NCKAP5: variants seen among roughly 807,000 people sequenced by gnomAD.
NCKAP5 encodes the protein NCK associated protein 5, also known as nck-associated protein 5.
NCKAP5 carries 92 observed loss-of-function variants against 167.0 expected under a neutral mutation model. The ratio of observed to expected loss-of-function variants is 0.55; its 90% CI spans 0.47 to 0.66. The LOEUF is 0.66. NCKAP5 is among the 30% of genes least tolerant of loss of function. NCKAP5 has a pLI of 0.00. For synonymous variants in NCKAP5, 891 were observed against 877.4 expected (o/e 1.02, Z -0.27); for missense variants, 2,378 against 2,315.0 (o/e 1.03, Z -0.56).
At position 133,380,459 on chromosome 2, in the gene NCKAP5, C is replaced by A. The variant is rs115967183; in HGVS notation, c.70-77349G>T. On this transcript the variant is annotated intron_variant, in intron 3 of 19. Transcript: ENST00000409261. ...CTGGAATATAATTAACCAAAGACCT[C>A]AATCAACCAGTATTTTTCCTCTACA... Among the ~76,000 whole-genome samples the A allele has an allele frequency of 5.5e-3, 835 of 152,098 alleles. 12 individuals are homozygous for A. Among genetic ancestry groups the A allele is most frequent in the African/African-American group, 0.019 (777 of 41,486 alleles).
intron 6 of NCKAP5, among the ~76,000 whole-genome samples, chr2:133,045,835 G>C (rs1438838882): frequency 6.6e-6 from 1 of 152,144 alleles, no homozygotes; most frequent in Non-Finnish European, 1.5e-5. Flanking sequence ...ATGACAAAAT[G>C]CATTTGCGAT....
intron 8 of NCKAP5, among the ~76,000 whole-genome samples, chr2:132,893,604 A>C (rs1692901417): frequency 1.3e-5 from 2 of 152,192 alleles, no homozygotes; most frequent in African/African-American, 4.8e-5. Flanking sequence ...AAAAACTGGA[A>C]AAATTAAATT....
intron 2 of NCKAP5, among the ~76,000 whole-genome samples, chr2:133,534,491 T>A (rs1475376363): frequency 6.6e-6 from 1 of 152,070 alleles, no homozygotes; most frequent in Non-Finnish European, 1.5e-5. Flanking sequence ...TGCTTCTCCA[T>A]CCCCTACCCC....
chr2:133,045,012 A>T (rs2079343124), intron 6 of NCKAP5, among the ~76,000 whole-genome samples: 1 of 151,782 alleles, frequency 6.6e-6, no homozygotes, highest in South Asian at 2.1e-4. Flanking sequence ...CTAAGAAGGC[A>T]CCACTACACC....
chr2:133,225,776 G>GTTT (rs1415189212), intron 4 of NCKAP5, among the ~76,000 whole-genome samples: 82 of 67,664 alleles, frequency 1.2e-3, no homozygotes, highest in Non-Finnish European at 1.8e-3. Context: ...ATCATGCCCT[G>GTTT]TTCTTTTTTT....
At chr2:133,297,980 A>G (rs897479612) in intron 4 of NCKAP5, among the ~76,000 whole-genome samples, 1 of 152,208 alleles carries the variant, frequency 6.6e-6, no homozygotes, top group Non-Finnish European at 1.5e-5. Context: ...TGCTATTCCC[A>G]TGATCCCCTG....
intron 5 of NCKAP5, among the ~76,000 whole-genome samples, chr2:133,205,010 C>T (rs1010884127): frequency 6.6e-6 from 1 of 152,070 alleles, no homozygotes; most frequent in Non-Finnish European, 1.5e-5. Flanking sequence ...CACAGCAAGC[C>T]AGGCATGGTG....
At chr2:132,874,284 ATTTTTAG>A (rs201504965) in intron 9 of NCKAP5, among the ~76,000 whole-genome samples, 211 of 151,892 alleles carry the variant, frequency 1.4e-3, no homozygotes, top group African/African-American at 5.0e-3. Flanking sequence ...AATTTTCTGT[ATTTTTAG>A]TAGAGACGAG....
intron 16 of NCKAP5, among the ~76,000 whole-genome samples, chr2:132,752,486 T>C (rs1262778320): frequency 6.6e-6 from 1 of 152,182 alleles, no homozygotes; most frequent in Non-Finnish European, 1.5e-5. Context: ...AGGATGATGA[T>C]TCAGGCTGGC....
chr2:133,300,359 C>T (rs1342298055), intron 4 of NCKAP5, among the ~76,000 whole-genome samples: 1 of 132,734 alleles, frequency 7.5e-6, no homozygotes, highest in Admixed American at 7.2e-5. Context: ...CCTTGATGAA[C>T]ACTGATGCAA....
intron 3 of NCKAP5, among the ~76,000 whole-genome samples, chr2:133,345,201 G>A (rs1055413943): frequency 6.6e-6 from 1 of 152,092 alleles, no homozygotes; most frequent in Non-Finnish European, 1.5e-5. Context: ...GAGCACCTCT[G>A]CCCAGCCGCC....
intron 3 of NCKAP5, among the ~76,000 whole-genome samples, chr2:133,425,264 A>C (rs1689720306): frequency 6.6e-6 from 1 of 152,250 alleles, no homozygotes; most frequent in Non-Finnish European, 1.5e-5. Flanking sequence ...AATTTCTAAC[A>C]TACAGATTGA....
chr2:132,770,119 A>T (rs375636543), intron 16 of NCKAP5, among the ~76,000 whole-genome samples: 1 of 152,070 alleles, frequency 6.6e-6, no homozygotes, highest in Admixed American at 6.6e-5. Context: ...CTCCAACCCA[A>T]ATTTGCTCAA....
intron 3 of NCKAP5, among the ~76,000 whole-genome samples, chr2:133,476,768 T>C (rs1171308012): frequency 2.6e-5 from 4 of 152,228 alleles, no homozygotes; most frequent in Admixed American, 6.5e-5. Context: ...TTATAGCACA[T>C]TGATTTTTAT....
At chr2:132,739,647 G>C (rs996922600) in intron 16 of NCKAP5, among the ~76,000 whole-genome samples, 10 of 152,126 alleles carry the variant, frequency 6.6e-5, no homozygotes, top group Admixed American at 6.5e-4. Context: ...AAACCAAATT[G>C]TCATTTGTGC....
chr2:133,425,520 G>A (rs562780130), intron 3 of NCKAP5, among the ~76,000 whole-genome samples: 11 of 152,240 alleles, frequency 7.2e-5, no homozygotes, highest in African/African-American at 2.6e-4. Flanking sequence ...ATGCCCTGTG[G>A]CAAAAGGGAA....
intron 5 of NCKAP5, among the ~76,000 whole-genome samples, chr2:133,188,035 T>C (rs191379167): frequency 6.6e-6 from 1 of 152,252 alleles, no homozygotes; most frequent in East Asian, 1.9e-4. Context: ...GCTGGTTATT[T>C]TGCTAGTTAG....
intron 5 of NCKAP5, among the ~76,000 whole-genome samples, chr2:133,137,908 A>G (rs1189161929): frequency 6.6e-6 from 1 of 152,222 alleles, no homozygotes; most frequent in Non-Finnish European, 1.5e-5. Context: ...TTTATTCCTG[A>G]CGCAAGTCCT....
chr2:132,832,129 C>T (rs568388269), intron 11 of NCKAP5, among the ~76,000 whole-genome samples: 1 of 152,102 alleles, frequency 6.6e-6, no homozygotes, highest in African/African-American at 2.4e-5. Context: ...AAATTTTCTT[C>T]CAGTTCTTGT....
Sources: allele counts gnomAD v4.1 joint callset (sites outside exome capture counted in the v4.1 genomes callset), GRCh38; gene constraint gnomAD v4.1.1; transcripts MANE v1.5; gene names NCBI Gene and HGNC (gene_info 2026-07-23, HGNC 2026-07-21).